The following SLC35D2 variants were observed in gnomAD, a reference collection of about 807,000 sequenced individuals.
SLC35D2 encodes the protein nucleotide sugar transporter SLC35D2.
A neutral mutation model predicts 41.8 loss-of-function variants in SLC35D2; 43 were observed. The observed-to-expected ratio is 1.03, with a 90% CI of 0.81 to 1.33. The LOEUF is 1.33. Among genes scored for constraint, SLC35D2 ranks in the 40% most tolerant of loss-of-function variants. The pLI is 0.00. For synonymous variants in SLC35D2, 150 were observed against 163.9 expected (o/e 0.92, Z 0.65); for missense variants, 380 against 408.4 (o/e 0.93, Z 0.60).
intron 6 of SLC35D2, 75 bp from the exon 7 acceptor site, chr9:96,345,476 CT>C: frequency 1.2e-6 from 1 of 814,658 alleles, no homozygotes. Flanking sequence ...CCTGATCTAC[CT>C]TTCCCTAATC....
chr9:96,315,772 A>T (rs1353475237), downstream of SLC35D2, among the ~76,000 whole-genome samples: 1 of 152,066 alleles, frequency 6.6e-6, no homozygotes, highest in Non-Finnish European at 1.5e-5. Context: ...CCACAATGGC[A>T]GTCTAGTCAC....
intron 10 of SLC35D2, among the ~76,000 whole-genome samples, chr9:96,322,418 C>T (rs34695002): frequency 0.013 from 1,994 of 152,174 alleles, 34 homozygotes; most frequent in African/African-American, 0.044. Context: ...CTACTCCACA[C>T]GGACTGAAGT....
chr9:96,356,461 T>C (rs1830030318), intron 4 of SLC35D2, among the ~76,000 whole-genome samples: 1 of 132,676 alleles, frequency 7.5e-6, no homozygotes, highest in South Asian at 2.3e-4. Flanking sequence ...AATTAAAAAA[T>C]CAAAACTATC....
chr9:96,314,822 C>T (rs1009114166), exon 12 of SLC35D2: 3 of 152,156 alleles, frequency 2.0e-5, no homozygotes, highest in African/African-American at 7.2e-5. Context: ...CCAGTTGGAT[C>T]CAATTCCCCA....
At chr9:96,344,975 C>A (rs146021940) in intron 7 of SLC35D2, among the ~76,000 whole-genome samples, 1 of 152,132 alleles carries the variant, frequency 6.6e-6, no homozygotes. Context: ...TCCAAACTAG[C>A]GCTCTCTGAA....
intron 7 of SLC35D2, among the ~76,000 whole-genome samples, chr9:96,344,831 C>A (rs1387876536): frequency 6.6e-6 from 1 of 151,900 alleles, no homozygotes. Flanking sequence ...TATTGCTGGA[C>A]AAGACCTTAC....
chr9:96,351,916 TA>T lies in SLC35D2; in HGVS notation c.419+121del, dbSNP rs1326036471. The stretch of plus-strand genomic sequence containing the variant: ...AATCACAGAAGCACAAAACTACTTT[TA>T]AATGAATAAACCATTTGTCCTTAAA... On this transcript the variant is annotated intron_variant, in intron 5 of 11. Transcript: ENST00000253270. 3 of 549,328 alleles carry T rather than the reference TA, an allele frequency of 5.5e-6. No homozygotes were observed. In the African/African-American group the frequency reaches 5.8e-5, roughly 11 times the overall value. 34.0% of individuals were successfully genotyped at this position (549,328 alleles called of 1,614,324 possible).
Position 96,360,193 on chromosome 9 carries a change from C to T in SLC35D2, c.308G>A (p.Gly103Glu), listed in dbSNP as rs1234191407. The change falls in exon 4 of 12, where the codon GGA (glycine) becomes GAA (glutamate). Residue 103 changes from glycine (G) to glutamate (E), a missense_variant. Transcript: ENST00000253270. ...KLFPLPLLYV[G>E]NHISGLSSTS... is the part of the protein sequence containing the mutation. ...GCTTGATAATCCACTTATGTGGTTTCCAACGTAGAGGAGAGGCAGAGGAAA... is the reference window on the plus strand; with the variant it reads ...GCTTGATAATCCACTTATGTGGTTTTCAACGTAGAGGAGAGGCAGAGGAAA... The T allele has an allele frequency of 2.5e-6, 4 of 1,612,494 alleles. No homozygotes were observed. Among genetic ancestry groups the T allele is most frequent in the African/African-American group, 2.7e-5 (2 of 74,700 alleles).
At chr9:96,346,732 T>C (rs1159776711) in intron 6 of SLC35D2, among the ~76,000 whole-genome samples, 1 of 152,144 alleles carries the variant, frequency 6.6e-6, no homozygotes, top group Non-Finnish European at 1.5e-5. Context: ...ATTGGATTTT[T>C]GCTTGACGCC....
At chr9:96,372,012 C>T (rs1162721205) in intron 1 of SLC35D2, among the ~76,000 whole-genome samples, 2 of 152,082 alleles carry the variant, frequency 1.3e-5, no homozygotes, top group African/African-American at 4.8e-5. Flanking sequence ...AGGCGTGAGC[C>T]ACCGCGCCCA....
At chr9:96,372,962 T>C (rs34112633) in intron 1 of SLC35D2, among the ~76,000 whole-genome samples, 4,198 of 151,412 alleles carry the variant, frequency 0.028, 75 homozygotes, top group Middle Eastern at 0.058. Flanking sequence ...TACAATAGCA[T>C]GATCTCGGCT....
At chr9:96,340,406 C>T (rs941220477) in intron 8 of SLC35D2, among the ~76,000 whole-genome samples, 9 of 151,914 alleles carry the variant, frequency 5.9e-5, no homozygotes, top group African/African-American at 2.2e-4. Flanking sequence ...ATCACGAGGT[C>T]AGGAGTTCGA....
intron 9 of SLC35D2, among the ~76,000 whole-genome samples, chr9:96,327,182 A>C (rs866563290): frequency 1.3e-5 from 2 of 152,344 alleles, no homozygotes; most frequent in South Asian, 4.1e-4. Flanking sequence ...TTTGCTTTAA[A>C]ATTCCAACTC....
chr9:96,358,090 A>G (rs1308266210), intron 4 of SLC35D2, among the ~76,000 whole-genome samples: 9 of 75,684 alleles, frequency 1.2e-4, no homozygotes, highest in Non-Finnish European at 1.9e-4. Flanking sequence ...TTATATATAT[A>G]TATATATATA....
intron 1 of SLC35D2, among the ~76,000 whole-genome samples, chr9:96,379,602 C>G (rs1831105761): frequency 6.6e-6 from 1 of 152,198 alleles, no homozygotes; most frequent in East Asian, 1.9e-4. Flanking sequence ...TTTCTTCTAT[C>G]CTACAACACA....
intron 8 of SLC35D2, among the ~76,000 whole-genome samples, chr9:96,340,639 A>C (rs917915208): frequency 1.3e-5 from 2 of 150,278 alleles, no homozygotes; most frequent in African/African-American, 2.4e-5. Flanking sequence ...AAAAAAAAAA[A>C]AAAAAAAAAA....
chr9:96,383,011 T>A, intron 1 of SLC35D2, among the ~76,000 whole-genome samples: 1 of 152,220 alleles, frequency 6.6e-6, no homozygotes, highest in East Asian at 1.9e-4. Flanking sequence ...TCCAAAAAAG[T>A]ACTCCATATG....
chr9:96,382,496 CTATATAT>C (rs1831244267), intron 1 of SLC35D2, among the ~76,000 whole-genome samples: 1 of 127,914 alleles, frequency 7.8e-6, no homozygotes, highest in Non-Finnish European at 1.7e-5. Context: ...CACACACACA[CTATATAT>C]ATATATATAT....
At chr9:96,357,940 G>A (rs1227916469) in intron 4 of SLC35D2, among the ~76,000 whole-genome samples, 2 of 151,778 alleles carry the variant, frequency 1.3e-5, no homozygotes, top group Non-Finnish European at 2.9e-5. Flanking sequence ...TCAGGAGACC[G>A]AGACAGGAGA....
Sources: gnomAD v4.1 joint callset for allele counts (sites outside exome capture counted in the v4.1 genomes callset) on GRCh38, gnomAD v4.1.1 for gene constraint, MANE v1.5 for transcripts, NCBI Gene and HGNC (gene_info 2026-07-23, HGNC 2026-07-21) for gene names.